ARHGAP11B: variants seen among roughly 807,000 people sequenced by gnomAD.
The protein encoded by ARHGAP11B is Rho GTPase activating protein 11B.
Under a neutral mutation model 27.6 loss-of-function variants are expected in ARHGAP11B, and 14 were observed. That is an observed-to-expected ratio of 0.51 (90% CI 0.34 to 0.79). The LOEUF (loss-of-function observed/expected upper bound fraction) is 0.79, where lower values mean the gene tolerates loss of function less well. ARHGAP11B is among the 30% of genes least tolerant of loss of function. The pLI, the probability that ARHGAP11B is intolerant of heterozygous loss-of-function variation, is 0.02. For missense variants in ARHGAP11B, 245 were observed against 320.1 expected (o/e 0.77, Z 1.79); for synonymous variants, 82 against 114.1 (o/e 0.72, Z 1.80).
intron 7 of ARHGAP11B, among the ~76,000 whole-genome samples, chr15:30,644,117 A>G (rs890620691): frequency 2.6e-5 from 4 of 151,346 alleles, no homozygotes; most frequent in Admixed American, 1.3e-4. Flanking sequence ...TCTCTAAACT[A>G]CTATTTACAA....
chr15:30,630,622 G>C, intron 1 of ARHGAP11B, 81 bp from the exon 2 acceptor site: 1 of 1,561,600 alleles, frequency 6.4e-7, no homozygotes, highest in Non-Finnish European at 8.7e-7. Flanking sequence ...AATTTCCTGA[G>C]TTCTTTAATT....
intron 7 of ARHGAP11B, chr15:30,641,555 G>A (rs1320955320): frequency 6.6e-6 from 1 of 151,932 alleles, no homozygotes; most frequent in Non-Finnish European, 1.5e-5. Flanking sequence ...GGCCAGGCTG[G>A]TCTTGAACTC....
exon 9 of ARHGAP11B, chr15:30,646,233 T>C: frequency 9.6e-7 from 1 of 1,037,518 alleles, no homozygotes; most frequent in African/African-American, 1.7e-5. Flanking sequence ...TAATCTCCTT[T>C]GCTATTTGTG....
At chr15:30,646,636 C>A (rs1343629521) in intron 9 of ARHGAP11B, among the ~76,000 whole-genome samples, 1 of 150,410 alleles carries the variant, frequency 6.6e-6, no homozygotes, top group East Asian at 2.0e-4. Flanking sequence ...GCACTCCAGC[C>A]TGGGCGACAG....
intron 7 of ARHGAP11B, among the ~76,000 whole-genome samples, 192 bp downstream of exon 7, chr15:30,639,002 T>C (rs2060299117): frequency 6.6e-6 from 1 of 152,002 alleles, no homozygotes; most frequent in Non-Finnish European, 1.5e-5. Flanking sequence ...ACATAGGCTA[T>C]AATGAACCCA....
At chr15:30,631,268 A>C in intron 2 of ARHGAP11B, among the ~76,000 whole-genome samples, 1 of 151,728 alleles carries the variant, frequency 6.6e-6, no homozygotes, top group East Asian at 1.9e-4. Flanking sequence ...TGTTCTGTTA[A>C]GTCAGTTTTC....
chr15:30,632,698 T>G (rs1353373908), intron 2 of ARHGAP11B, among the ~76,000 whole-genome samples: 1 of 151,228 alleles, frequency 6.6e-6, no homozygotes, highest in Non-Finnish European at 1.5e-5. Flanking sequence ...TATTTGAACA[T>G]TGTTCAAAAT....
intron 7 of ARHGAP11B, chr15:30,641,498 G>C (rs1389272072): frequency 7.3e-5 from 11 of 151,660 alleles, no homozygotes; most frequent in Admixed American, 3.3e-4. Flanking sequence ...ACCACACCTG[G>C]CTAATTTTCT....
chr15:30,648,090 C>T (rs923102699), intron 10 of ARHGAP11B, among the ~76,000 whole-genome samples: 8 of 151,922 alleles, frequency 5.3e-5, no homozygotes, highest in Admixed American at 1.3e-4. Flanking sequence ...TGAGCCACTG[C>T]GCCAGGCTAA....
In ARHGAP11B at chr15:30,630,832, C is replaced by T. The variant is rs973576027; in HGVS notation, c.200+59C>T. On this transcript the variant is annotated intron_variant, in intron 2 of 10. Transcript: ENST00000428041. Reference sequence around the variant, plus strand: ...CAGTGGCATATGCCTGTAACCCCAGCATTTTGAGAGGCCGAGGTGGGCAGA... The same window carrying T: ...CAGTGGCATATGCCTGTAACCCCAGTATTTTGAGAGGCCGAGGTGGGCAGA... 6.8e-6 allele frequency: 11 copies of T among 1,607,760 alleles called. 1 individual carries two copies. In the Admixed American group the frequency reaches 1.7e-4, roughly 25 times the overall value.
At chr15:30,645,852 A>G (rs2060344411) in intron 8 of ARHGAP11B, among the ~76,000 whole-genome samples, 2 of 152,054 alleles carry the variant, frequency 1.3e-5, no homozygotes, top group South Asian at 4.1e-4. Flanking sequence ...AGGTTGTGGG[A>G]CAATTCTGCT....
At chr15:30,646,026 A>T in intron 8 of ARHGAP11B, 1 of 228,896 alleles carries the variant, frequency 4.4e-6, no homozygotes. Flanking sequence ...TCCTCATCTT[A>T]GTTGTCGTAA....
At chr15:30,626,949 G>A in exon 1 of ARHGAP11B, 1 of 1,612,850 alleles carries the variant, frequency 6.2e-7, no homozygotes, top group African/African-American at 1.3e-5. Context: ...CGGAAATAGG[G>A]GTAAGTTCTG....
At chr15:30,647,171 G>T (rs1452740498) in intron 9 of ARHGAP11B, among the ~76,000 whole-genome samples, 2 of 151,780 alleles carry the variant, frequency 1.3e-5, no homozygotes, top group East Asian at 1.9e-4. Context: ...GGAATATTAC[G>T]TTTTGGACAA....
In ARHGAP11B at chr15:30,626,528, A is replaced by G. The variant is rs1282481869; in HGVS notation, c.-293A>G. The G allele has an allele frequency of 1.5e-5, 7 of 454,354 alleles. No individual in the cohort carries two copies. In the East Asian group the frequency reaches 2.2e-4, roughly 14 times the overall value. 28.1% of individuals were successfully genotyped at this position (454,354 alleles called of 1,614,324 possible). A position where few individuals can be genotyped will look rare whatever the true frequency, so the allele number is the denominator to read the frequency against. ...AACCGAAAGAATCAGAAAGAAGTCT[A>G]TGTGAGTAGCTGAAAGCATTGGGTG... On this transcript the variant is annotated 5_prime_UTR_variant, in exon 1 of 11. The change abolishes an upstream ATG in the 5' untranslated region. Transcript: ENST00000428041.
At chr15:30,645,923 G>A (rs2060344820) in intron 8 of ARHGAP11B, among the ~76,000 whole-genome samples, 1 of 152,064 alleles carries the variant, frequency 6.6e-6, no homozygotes, top group Non-Finnish European at 1.5e-5. Flanking sequence ...AAGTTTCCAT[G>A]TGTAGATAAA....
intron 1 of ARHGAP11B, among the ~76,000 whole-genome samples, chr15:30,629,371 C>G (rs544059444): frequency 2.0e-5 from 3 of 151,974 alleles, no homozygotes; most frequent in East Asian, 1.9e-4. Flanking sequence ...GTGAACCCCC[C>G]CCGCCCCACG....
chr15:30,648,396 T>C (rs1274726902), exon 11 of ARHGAP11B, among the ~76,000 whole-genome samples: 1 of 151,998 alleles, frequency 6.6e-6, no homozygotes, highest in Non-Finnish European at 1.5e-5. Context: ...GATTATCTTT[T>C]TCTCATTCTC....
At chr15:30,629,003 C>G (rs1008290604) in intron 1 of ARHGAP11B, among the ~76,000 whole-genome samples, 24 of 151,918 alleles carry the variant, frequency 1.6e-4, no homozygotes, top group African/African-American at 5.8e-4. Flanking sequence ...TCTGATTTAC[C>G]CAATAAAGGG....
Sources: allele counts gnomAD v4.1 joint callset (sites outside exome capture counted in the v4.1 genomes callset), GRCh38; gene constraint gnomAD v4.1.1; transcripts MANE v1.5; gene names NCBI Gene and HGNC (gene_info 2026-07-23, HGNC 2026-07-21).